AP4E1: variants seen among roughly 807,000 people sequenced by gnomAD.
AP4E1 encodes the protein adaptor related protein complex 4 subunit epsilon 1, also known as AP-4 complex subunit epsilon-1.
In AP4E1, 56 loss-of-function variants were observed where a neutral mutation model predicts 128.2. The ratio of observed to expected loss-of-function variants is 0.44; its 90% CI spans 0.35 to 0.55. The LOEUF is 0.55. AP4E1 is among the 20% of genes least tolerant of loss of function. AP4E1 has a pLI of 0.00. For missense variants in AP4E1, 1,324 were observed against 1,307.7 expected, an observed-to-expected ratio of 1.01 and a Z score of -0.19; for synonymous variants, 484 against 473.1, an observed-to-expected ratio of 1.02 and a Z score of -0.30.
intron 14 of AP4E1, among the ~76,000 whole-genome samples, chr15:50,962,199 C>G (rs1237455696): frequency 6.6e-6 from 1 of 151,940 alleles, no homozygotes; most frequent in Non-Finnish European, 1.5e-5. Flanking sequence ...TCAAACCAAT[C>G]TACAGATTCA....
chr15:50,963,369 A>T (rs2064341935), intron 14 of AP4E1, among the ~76,000 whole-genome samples: 1 of 152,226 alleles, frequency 6.6e-6, no homozygotes, highest in African/African-American at 2.4e-5. Context: ...GGACACATGG[A>T]TAAGGAAAAT....
chr15:50,913,665 ACT>A (rs1183080040), intron 2 of AP4E1, among the ~76,000 whole-genome samples: 8 of 152,150 alleles, frequency 5.3e-5, no homozygotes. Context: ...CTTTTGAAAA[ACT>A]CTGAGATAAA....
rs536958160 is a variant in AP4E1 at position 50,911,479 on chromosome 15, A to AT, written c.151-577dup. Among the ~76,000 whole-genome samples the AT allele has an allele frequency of 1.3e-3, 156 of 124,680 alleles. 1 individual carries two copies. Among genetic ancestry groups the AT allele is most frequent in the East Asian group, 5.1e-3 (23 of 4,534 alleles). The allele number at this position is 124,680 out of a possible 152,430, so 81.8% of individuals were successfully genotyped here. The stretch of plus-strand genomic sequence containing the variant: ...AATTTCTACTCTCTCTCCACCTTTA[A>AT]TTTTTTTTTTTTTTTTTTTTTTAGA... On this transcript the variant is annotated intron_variant, in intron 1 of 20. Transcript: ENST00000261842.
intron 8 of AP4E1, among the ~76,000 whole-genome samples, chr15:50,937,843 G>A (rs1286320315): frequency 6.6e-6 from 1 of 152,130 alleles, no homozygotes; most frequent in Non-Finnish European, 1.5e-5. Flanking sequence ...GCAGTGGAAG[G>A]GCGGTATTGT....
intron 3 of AP4E1, among the ~76,000 whole-genome samples, 176 bp from the exon 4 acceptor site, chr15:50,923,755 G>A (rs2063735877): frequency 6.6e-6 from 1 of 152,098 alleles, no homozygotes; most frequent in South Asian, 2.1e-4. Context: ...AGATTTCAGG[G>A]TGAAGAATAG....
intron 3 of AP4E1, among the ~76,000 whole-genome samples, chr15:50,923,104 G>C (rs1265357997): frequency 6.6e-6 from 1 of 152,138 alleles, no homozygotes; most frequent in South Asian, 2.1e-4. Flanking sequence ...GGGATAAAAA[G>C]GCCTATCTCA....
chr15:50,907,936 G>A (rs575422169), upstream of AP4E1, among the ~76,000 whole-genome samples: 1 of 152,330 alleles, frequency 6.6e-6, no homozygotes, highest in Admixed American at 6.5e-5. Context: ...ACTGCGACCT[G>A]TTCTAAAGTG....
At chr15:50,986,739 T>C (rs1290743756) in intron 16 of AP4E1, among the ~76,000 whole-genome samples, 2 of 152,238 alleles carry the variant, frequency 1.3e-5, no homozygotes, top group Non-Finnish European at 2.9e-5. Context: ...TTTGCATCGA[T>C]GTTCATCAGG....
At chr15:50,979,650 G>A (rs926536769) in intron 15 of AP4E1, among the ~76,000 whole-genome samples, 1 of 152,056 alleles carries the variant, frequency 6.6e-6, no homozygotes. Context: ...TCAGCCTCCC[G>A]AGTAGCTGGG....
chr15:51,005,386 G>C lies in AP4E1; in HGVS notation c.*2724G>C, dbSNP rs1486433100. 1.3e-5 allele frequency: 2 copies of C among 152,724 alleles called. No individual in the cohort carries two copies. The highest frequency in any genetic ancestry group is 1.3e-4 in the Admixed American group (2 of 15,276). 9.5% of individuals were successfully genotyped at this position (152,724 alleles called of 1,614,324 possible). On this transcript the variant is annotated 3_prime_UTR_variant, in exon 21 of 21. Transcript: ENST00000261842. ...GGAAGACAGAAAAGCCTTAAGAGTA[G>C]ACGGAGGAAGAAGGGTACCAGAATA... is the stretch of plus-strand genomic sequence containing the variant.
At chr15:50,963,255 A>G (rs773299863) in intron 14 of AP4E1, among the ~76,000 whole-genome samples, 1 of 152,216 alleles carries the variant, frequency 6.6e-6, no homozygotes, top group South Asian at 2.1e-4. Flanking sequence ...TATTTATCCA[A>G]TGGAAAGGAA....
At chr15:50,987,286 T>C (rs2064741855) in intron 16 of AP4E1, among the ~76,000 whole-genome samples, 1 of 152,176 alleles carries the variant, frequency 6.6e-6, no homozygotes, top group Non-Finnish European at 1.5e-5. Flanking sequence ...GAAGGGTTTT[T>C]TGTGTCTCTA....
intron 16 of AP4E1, among the ~76,000 whole-genome samples, chr15:50,987,765 A>G (rs2064748718): frequency 6.6e-6 from 1 of 152,180 alleles, no homozygotes; most frequent in Non-Finnish European, 1.5e-5. Context: ...CACTTGTGAC[A>G]ATGTGTTTTA....
chr15:50,992,786 A>G (rs552891002), intron 16 of AP4E1, among the ~76,000 whole-genome samples: 6 of 152,374 alleles, frequency 3.9e-5, no homozygotes, highest in African/African-American at 1.4e-4. Flanking sequence ...TGCTATGTGC[A>G]TAGTGAGAAA....
chr15:50,954,811 A>T (rs972410872), intron 13 of AP4E1, among the ~76,000 whole-genome samples: 2 of 152,174 alleles, frequency 1.3e-5, no homozygotes, highest in Non-Finnish European at 2.9e-5. Context: ...CGTCATTTAC[A>T]TTAGGTATAT....
In AP4E1 at chr15:50,978,415, AATT is replaced by A. The variant is rs573946786; in HGVS notation, c.1967-5602_1967-5600del. Among the ~76,000 whole-genome samples the A allele has an allele frequency of 3.4e-3, 514 of 152,292 alleles. 3 individuals are homozygous for A. The highest frequency in any genetic ancestry group is 0.014 in the Middle Eastern group (4 of 294). ...AGTTAATTATTTAAATAATTGTAAA[AATT>A]ATTAATAATAGCTGAGAATGGTTAG... On this transcript the variant is annotated intron_variant, in intron 15 of 20. Coordinates refer to ENST00000261842, the MANE Select transcript of AP4E1 (RefSeq NM_007347.5).
chr15:50,909,230 A>C (rs1448887372), intron 1 of AP4E1, among the ~76,000 whole-genome samples: 1 of 152,248 alleles, frequency 6.6e-6, no homozygotes, highest in Non-Finnish European at 1.5e-5. Context: ...GTACTGATAC[A>C]TAATTCATAG....
At chr15:50,908,955 A>C (rs367555487) in intron 1 of AP4E1, 27 bp downstream of exon 1, 25 of 1,609,294 alleles carry the variant, frequency 1.6e-5, no homozygotes, top group Non-Finnish European at 2.1e-5. Flanking sequence ...CCGGGAGCTC[A>C]GGGACATCGG....
intron 17 of AP4E1, among the ~76,000 whole-genome samples, chr15:50,996,337 ATAAC>A (rs993023593): frequency 1.8e-4 from 27 of 151,924 alleles, no homozygotes; most frequent in African/African-American, 6.5e-4. Flanking sequence ...ACTACTGAAA[ATAAC>A]TACTATTTGA....
Sources: allele counts gnomAD v4.1 joint callset (sites outside exome capture counted in the v4.1 genomes callset), GRCh38; gene constraint gnomAD v4.1.1; transcripts MANE v1.5; gene names NCBI Gene and HGNC (gene_info 2026-07-23, HGNC 2026-07-21).